KCNIP4: variants seen among roughly 807,000 people sequenced by gnomAD.
KCNIP4 encodes potassium voltage-gated channel interacting protein 4, also known as Kv channel-interacting protein 4.
In KCNIP4, 12 loss-of-function variants were observed where a neutral mutation model predicts 34.0. The observed-to-expected ratio is 0.35, with a 90% CI of 0.23 to 0.57. The LOEUF (loss-of-function observed/expected upper bound fraction) is 0.57, where lower values mean the gene tolerates loss of function less well. Among genes scored for constraint, KCNIP4 ranks in the 20% least tolerant of loss-of-function variants. The pLI is 0.83. For synonymous variants in KCNIP4, 124 were observed against 102.2 expected, an observed-to-expected ratio of 1.21 and a Z score of -1.29; for missense variants, 238 against 311.7, an observed-to-expected ratio of 0.76 and a Z score of 1.78.
Position 21,022,769 on chromosome 4 carries a change from C to T in KCNIP4, c.62-140060G>A, listed in dbSNP as rs1418153844. On this transcript the variant is annotated intron_variant, in intron 1 of 8. Coordinates refer to ENST00000382152, the MANE Select transcript of KCNIP4 (RefSeq NM_025221.6). ...TCACAAATTATTTGTTTCAAATGATCCTAATCATCATCTAATGTGTCTTAT... is the reference window on the plus strand; with the variant it reads ...TCACAAATTATTTGTTTCAAATGATTCTAATCATCATCTAATGTGTCTTAT... Among the ~76,000 whole-genome samples, 3 of 152,234 alleles carry T rather than the reference C, an allele frequency of 2.0e-5. No individual in the cohort carries two copies. In the East Asian group the frequency reaches 5.8e-4, roughly 29 times the overall value.
At chr4:21,509,825 G>A (rs1039817096) in intron 1 of KCNIP4, among the ~76,000 whole-genome samples, 2 of 151,872 alleles carry the variant, frequency 1.3e-5, no homozygotes, top group East Asian at 1.9e-4. Flanking sequence ...CTTTAAGAAC[G>A]GCAACAATCT....
intron 1 of KCNIP4, among the ~76,000 whole-genome samples, chr4:21,583,895 TTTTTG>T (rs1448942931): frequency 6.6e-6 from 1 of 152,052 alleles, no homozygotes; most frequent in Non-Finnish European, 1.5e-5. Context: ...ATTATAAGAT[TTTTTG>T]TGTGTGGTAA....
intron 1 of KCNIP4, among the ~76,000 whole-genome samples, chr4:21,750,050 G>A (rs549934810): frequency 6.6e-6 from 1 of 152,138 alleles, no homozygotes; most frequent in African/African-American, 2.4e-5. Flanking sequence ...TATATCACAC[G>A]CCCTTCAGAG....
intron 1 of KCNIP4, among the ~76,000 whole-genome samples, chr4:21,223,470 T>C (rs1005120466): frequency 1.3e-5 from 2 of 152,196 alleles, no homozygotes; most frequent in African/African-American, 4.8e-5. Context: ...AGGAAATTAA[T>C]ATGCCTGCTT....
intron 3 of KCNIP4, among the ~76,000 whole-genome samples, chr4:20,805,987 T>C (rs538791165): frequency 3.3e-5 from 5 of 152,260 alleles, no homozygotes; most frequent in African/African-American, 1.2e-4. Context: ...TAGATTCAAA[T>C]CATCTACTAT....
intron 1 of KCNIP4, among the ~76,000 whole-genome samples, chr4:20,996,192 G>A (rs924496215): frequency 6.6e-6 from 1 of 152,272 alleles, no homozygotes; most frequent in South Asian, 2.1e-4. Flanking sequence ...CACTAACCCT[G>A]CTAACATAGC....
chr4:21,512,008 G>A (rs7695056), intron 1 of KCNIP4, among the ~76,000 whole-genome samples: 121,689 of 150,156 alleles, frequency 0.81, 49,607 homozygotes, highest in East Asian at 0.99. Flanking sequence ...AGGAAGTAAG[G>A]AGTAGGGAAA....
chr4:21,825,785 C>G (rs1217615257), intron 1 of KCNIP4, among the ~76,000 whole-genome samples: 2 of 152,100 alleles, frequency 1.3e-5, no homozygotes, highest in African/African-American at 2.4e-5. Context: ...ATTCCATGCT[C>G]TCATGGAAAC....
intron 1 of KCNIP4, among the ~76,000 whole-genome samples, chr4:21,596,993 G>C (rs1399511049): frequency 1.3e-5 from 2 of 152,056 alleles, no homozygotes; most frequent in African/African-American, 4.8e-5. Context: ...AGTGTTTCAA[G>C]GGGTTTTGTC....
At chr4:21,433,125 T>G (rs550582753) in intron 1 of KCNIP4, among the ~76,000 whole-genome samples, 6 of 152,264 alleles carry the variant, frequency 3.9e-5, no homozygotes, top group African/African-American at 1.2e-4. Context: ...TTATAGTAGG[T>G]GGAGTATAAT....
intron 2 of KCNIP4, among the ~76,000 whole-genome samples, chr4:20,873,663 A>T (rs945954661): frequency 2.0e-5 from 3 of 152,156 alleles, no homozygotes; most frequent in Admixed American, 1.3e-4. Context: ...AAAATTTGGC[A>T]CATATCTAGC....
chr4:21,192,921 ACT>A (rs59140566), intron 1 of KCNIP4, among the ~76,000 whole-genome samples: 12,017 of 143,048 alleles, frequency 0.084, 641 homozygotes, highest in East Asian at 0.15. Flanking sequence ...CGTCTCTACT[ACT>A]ACTACTACTA....
intron 1 of KCNIP4, among the ~76,000 whole-genome samples, chr4:21,424,465 A>C (rs1461148733): frequency 6.6e-6 from 1 of 151,970 alleles, no homozygotes; most frequent in South Asian, 2.1e-4. Flanking sequence ...CCAGCTACTC[A>C]GGAGACTGAG....
At position 21,519,560 on chromosome 4, in the gene KCNIP4, G is replaced by GTGTA. The variant is rs1735215481; in HGVS notation, c.61+429007_61+429010dup. 4.7e-5 allele frequency among the ~76,000 whole-genome samples: 2 copies of GTGTA among 42,966 alleles called. 1 individual carries two copies. Among genetic ancestry groups the GTGTA allele is most frequent in the Admixed American group, 5.1e-4 (2 of 3,914 alleles). The allele number at this position is 42,966 out of a possible 152,430, so 28.2% of individuals were successfully genotyped here. On this transcript the variant is annotated intron_variant, in intron 1 of 8. Transcript: ENST00000382152. The stretch of plus-strand genomic sequence containing the variant: ...TGTGTATATACACATATGTGTGTAT[G>GTGTA]TGTATATATACACATATGTGTGTGT...
At chr4:21,071,367 T>C (rs1008977130) in intron 1 of KCNIP4, among the ~76,000 whole-genome samples, 1 of 152,182 alleles carries the variant, frequency 6.6e-6, no homozygotes, top group East Asian at 1.9e-4. Context: ...TCCATTAAGT[T>C]GTTACTGTTT....
chr4:21,063,374 T>C lies in KCNIP4; in HGVS notation c.62-180665A>G, dbSNP rs111362353. ...GTAAACAAACCCTGCTACTTGCCAT[T>C]TGGGGTTAGGGGAGTAAGCTATGTC... On this transcript the variant is annotated intron_variant, in intron 1 of 8. Transcript: ENST00000382152. 4.3e-3 allele frequency among the ~76,000 whole-genome samples: 652 copies of C among 152,284 alleles called. 3 individuals are homozygous for C. The highest frequency in any genetic ancestry group is 0.015 in the African/African-American group (619 of 41,570).
intron 1 of KCNIP4, among the ~76,000 whole-genome samples, chr4:21,811,538 T>A (rs764020774): frequency 1.3e-5 from 2 of 152,086 alleles, no homozygotes; most frequent in Non-Finnish European, 2.9e-5. Flanking sequence ...TCAAGCGAAG[T>A]GGGTAGGATT....
chr4:21,070,388 AT>A (rs956113767), intron 1 of KCNIP4, among the ~76,000 whole-genome samples: 59 of 139,132 alleles, frequency 4.2e-4, no homozygotes, highest in Non-Finnish European at 5.9e-4. Flanking sequence ...GTATGTTTAG[AT>A]TTTTTTTTTT....
At chr4:21,922,656 A>C (rs558740395) in intron 1 of KCNIP4, among the ~76,000 whole-genome samples, 1 of 152,274 alleles carries the variant, frequency 6.6e-6, no homozygotes, top group East Asian at 1.9e-4. Context: ...AAAATGAGTA[A>C]GTACAATATA....
Sources: allele counts gnomAD v4.1 joint callset (sites outside exome capture counted in the v4.1 genomes callset), GRCh38; gene constraint gnomAD v4.1.1; transcripts MANE v1.5; gene names NCBI Gene and HGNC (gene_info 2026-07-23, HGNC 2026-07-21).